The following GRIA4 variants were observed in gnomAD, a reference collection of about 807,000 sequenced individuals.
The protein encoded by GRIA4 is glutamate receptor 4.
In GRIA4, 34 loss-of-function variants were observed where a neutral mutation model predicts 104.0. The observed-to-expected ratio is 0.33, with a 90% CI of 0.25 to 0.44. GRIA4 has a LOEUF of 0.44. GRIA4 is among the 20% of genes least tolerant of loss of function. The probability of loss-of-function intolerance (pLI) is 1.00; values close to 1 mark genes in which losing one functional copy is unlikely to be tolerated. For synonymous variants in GRIA4, 386 were observed against 381.9 expected, an observed-to-expected ratio of 1.01 and a Z score of -0.13; for missense variants, 750 against 1,096.5, an observed-to-expected ratio of 0.68 and a Z score of 4.46.
intron 3 of GRIA4, among the ~76,000 whole-genome samples, chr11:105,627,504 C>CA (rs1361734029): frequency 6.6e-6 from 1 of 152,162 alleles, no homozygotes; most frequent in Non-Finnish European, 1.5e-5. Context: ...GTTCATCATT[C>CA]ATGTATATAG....
At chr11:105,682,728 T>C (rs951559400) in intron 3 of GRIA4, among the ~76,000 whole-genome samples, 1 of 152,178 alleles carries the variant, frequency 6.6e-6, no homozygotes, top group African/African-American at 2.4e-5. Flanking sequence ...CTCTTATGAT[T>C]AATTAAGCAA....
At chr11:105,793,448 C>T (rs1459189472) in intron 4 of GRIA4, among the ~76,000 whole-genome samples, 1 of 152,120 alleles carries the variant, frequency 6.6e-6, no homozygotes, top group East Asian at 1.9e-4. Context: ...CCATAGAATC[C>T]CACAGCAGGG....
intron 4 of GRIA4, among the ~76,000 whole-genome samples, chr11:105,807,462 A>G (rs529845787): frequency 6.6e-6 from 1 of 152,004 alleles, no homozygotes; most frequent in East Asian, 1.9e-4. Context: ...AGAAGTCAAA[A>G]CCATCAGAAA....
intron 4 of GRIA4, among the ~76,000 whole-genome samples, chr11:105,823,051 T>C (rs779373270): frequency 5.9e-5 from 9 of 152,146 alleles, no homozygotes; most frequent in Non-Finnish European, 5.9e-5. Context: ...TACCAGGCAA[T>C]ATATTAACTC....
chr11:105,889,061 T>C (rs17104703), intron 6 of GRIA4, among the ~76,000 whole-genome samples: 12,482 of 152,112 alleles, frequency 0.082, 739 homozygotes, highest in Admixed American at 0.18. Context: ...TTATAGCAAA[T>C]AGGTTTTGTC....
chr11:105,797,660 T>C, intron 4 of GRIA4: 1 of 308,652 alleles, frequency 3.2e-6, no homozygotes, highest in Non-Finnish European at 6.6e-6. Context: ...TAAATCAACT[T>C]AATCGTGCTA....
chr11:105,829,143 A>G (rs982759132), intron 4 of GRIA4, among the ~76,000 whole-genome samples: 2 of 147,594 alleles, frequency 1.4e-5, no homozygotes, highest in South Asian at 4.2e-4. Flanking sequence ...AGCAGTTCCT[A>G]TTATAACCCT....
intron 5 of GRIA4, among the ~76,000 whole-genome samples, chr11:105,880,973 C>T (rs1395796142): frequency 3.3e-5 from 5 of 152,130 alleles, no homozygotes; most frequent in African/African-American, 1.2e-4. Context: ...GTTGATTTCC[C>T]CCAGAGGCTG....
At chr11:105,629,353 C>G (rs555061018) in intron 3 of GRIA4, among the ~76,000 whole-genome samples, 1 of 152,008 alleles carries the variant, frequency 6.6e-6, no homozygotes, top group Admixed American at 6.6e-5. Flanking sequence ...AATTATTAGA[C>G]TGCAGGCAAT....
chr11:105,773,657 G>A (rs1256273180), intron 4 of GRIA4, among the ~76,000 whole-genome samples: 1 of 152,070 alleles, frequency 6.6e-6, no homozygotes, highest in Non-Finnish European at 1.5e-5. Flanking sequence ...GGGCTAGGCA[G>A]GAGGTAGGGA....
chr11:105,832,856 A>AT (rs1944027998), intron 4 of GRIA4, among the ~76,000 whole-genome samples: 3 of 151,760 alleles, frequency 2.0e-5, no homozygotes, highest in African/African-American at 7.3e-5. Flanking sequence ...AATATAGGTT[A>AT]TTTTTTTCTC....
chr11:105,709,363 A>G (rs1467857383), intron 3 of GRIA4, among the ~76,000 whole-genome samples: 1 of 152,188 alleles, frequency 6.6e-6, no homozygotes, highest in Non-Finnish European at 1.5e-5. Context: ...TGGAAGGGAA[A>G]CAGAAAATCA....
At chr11:105,711,973 A>G in intron 3 of GRIA4, among the ~76,000 whole-genome samples, 1 of 152,196 alleles carries the variant, frequency 6.6e-6, no homozygotes. Context: ...AATAATTGGC[A>G]GGAAATAAAT....
At chr11:105,975,720 T>C (rs1319216921) in intron 16 of GRIA4, among the ~76,000 whole-genome samples, 1 of 152,138 alleles carries the variant, frequency 6.6e-6, no homozygotes, top group Non-Finnish European at 1.5e-5. Context: ...ATACTTTCAG[T>C]AAGATGTACA....
At chr11:105,803,770 G>A (rs1942823622) in intron 4 of GRIA4, among the ~76,000 whole-genome samples, 1 of 151,066 alleles carries the variant, frequency 6.6e-6, no homozygotes. Context: ...TAGGAAAGGT[G>A]GCCGAGTTCT....
chr11:105,713,046 A>ATAGACTTAAT (rs1251953126), intron 3 of GRIA4, among the ~76,000 whole-genome samples: 95 of 152,234 alleles, frequency 6.2e-4, no homozygotes, highest in Middle Eastern at 3.4e-3. Context: ...TCTTCTATTA[A>ATAGACTTAAT]GTCATGGTAG....
chr11:105,728,934 A>G (rs1488083094), intron 3 of GRIA4, among the ~76,000 whole-genome samples: 2 of 152,164 alleles, frequency 1.3e-5, no homozygotes, highest in Non-Finnish European at 2.9e-5. Context: ...TAACATCACA[A>G]TTAGAAGAAC....
chr11:105,830,103 C>A (rs1386669028), intron 4 of GRIA4, among the ~76,000 whole-genome samples: 1 of 151,994 alleles, frequency 6.6e-6, no homozygotes, highest in South Asian at 2.1e-4. Context: ...CTTAGCTTAA[C>A]ATCAAAGATC....
chr11:105,769,892 T>A (rs533578901), intron 4 of GRIA4, among the ~76,000 whole-genome samples: 2 of 152,180 alleles, frequency 1.3e-5, no homozygotes, highest in Admixed American at 1.3e-4. Context: ...TGGAGCCAAA[T>A]CTTATTTTAG....
Sources: allele counts gnomAD v4.1 joint callset (sites outside exome capture counted in the v4.1 genomes callset), GRCh38; gene constraint gnomAD v4.1.1; transcripts MANE v1.5; gene names NCBI Gene and HGNC (gene_info 2026-07-23, HGNC 2026-07-21).